CDH12: variants seen among roughly 807,000 people sequenced by gnomAD.
The protein encoded by CDH12 is cadherin 12, also known as cadherin-12.
CDH12 carries 41 observed loss-of-function variants against 74.1 expected under a neutral mutation model. The observed-to-expected ratio is 0.55, with a 90% CI of 0.43 to 0.72. CDH12 has a LOEUF of 0.72. Among genes scored for constraint, CDH12 ranks in the 30% least tolerant of loss-of-function variants. The pLI is 0.00. For missense variants in CDH12, 945 were observed against 977.2 expected (o/e 0.97, Z 0.44); for synonymous variants, 399 against 355.0 (o/e 1.12, Z -1.39).
At chr5:21,882,221 C>G (rs1174574009) in intron 6 of CDH12, among the ~76,000 whole-genome samples, 1 of 152,128 alleles carries the variant, frequency 6.6e-6, no homozygotes, top group Non-Finnish European at 1.5e-5. Context: ...TACTGGAAGT[C>G]ACATTTTATC....
chr5:21,938,723 C>CGTATATATATATAT, intron 6 of CDH12, among the ~76,000 whole-genome samples: 1 of 112,048 alleles, frequency 8.9e-6, no homozygotes, highest in East Asian at 2.3e-4. Flanking sequence ...ATATAATATA[C>CGTATATATATATAT]ATATATATAT....
chr5:22,375,697 C>T (rs769767809), intron 3 of CDH12, among the ~76,000 whole-genome samples: 20 of 151,768 alleles, frequency 1.3e-4, no homozygotes, highest in Admixed American at 3.9e-4. Context: ...AAAAATGGTT[C>T]GACATCATTA....
intron 4 of CDH12, among the ~76,000 whole-genome samples, chr5:22,199,444 C>T (rs1317231229): frequency 6.6e-6 from 1 of 152,174 alleles, no homozygotes; most frequent in Admixed American, 6.5e-5. Flanking sequence ...TATCACACAA[C>T]AAGCTTTAAC....
intron 1 of CDH12, among the ~76,000 whole-genome samples, chr5:22,624,867 T>C (rs1339493468): frequency 6.6e-6 from 1 of 152,214 alleles, no homozygotes; most frequent in Non-Finnish European, 1.5e-5. Context: ...ACACGTATGT[T>C]TATTGTGGCA....
chr5:22,446,508 T>C (rs2126552435), intron 2 of CDH12, among the ~76,000 whole-genome samples: 1 of 152,258 alleles, frequency 6.6e-6, no homozygotes, highest in South Asian at 2.1e-4. Context: ...GCTATCTTCA[T>C]AAAGCTCGGA....
At chr5:22,580,460 T>C in intron 1 of CDH12, 2 of 510,114 alleles carry the variant, frequency 3.9e-6, no homozygotes, top group South Asian at 2.9e-5. Context: ...ACCTGGCGAC[T>C]GCATGCGTGT....
intron 1 of CDH12, among the ~76,000 whole-genome samples, chr5:22,764,278 T>A (rs1194861242): frequency 1.3e-5 from 2 of 151,922 alleles, no homozygotes; most frequent in Non-Finnish European, 2.9e-5. Context: ...ATTTCTAATG[T>A]TTTAGTTATA....
intron 3 of CDH12, among the ~76,000 whole-genome samples, chr5:22,285,294 T>G (rs1737085621): frequency 6.6e-6 from 1 of 152,150 alleles, no homozygotes; most frequent in Admixed American, 6.6e-5. Context: ...GTAACAACTT[T>G]CTCCAAGACA....
At chr5:22,731,318 A>G (rs1313675713) in intron 1 of CDH12, among the ~76,000 whole-genome samples, 2 of 151,872 alleles carry the variant, frequency 1.3e-5, no homozygotes, top group Non-Finnish European at 2.9e-5. Flanking sequence ...TAAAAAAGGA[A>G]ATAAGCCCAA....
chr5:22,371,042 A>C (rs1205071366), intron 3 of CDH12, among the ~76,000 whole-genome samples: 20 of 152,174 alleles, frequency 1.3e-4, no homozygotes, highest in Non-Finnish European at 2.8e-4. Context: ...AGTCTGTAAT[A>C]TACTAATTGG....
intron 2 of CDH12, among the ~76,000 whole-genome samples, chr5:22,452,724 G>T (rs541524674): frequency 6.6e-6 from 1 of 151,562 alleles, no homozygotes; most frequent in South Asian, 2.1e-4. Flanking sequence ...AGGCAAATGG[G>T]ATTATATCAA....
At chr5:22,828,659 G>T (rs564460534) in intron 1 of CDH12, among the ~76,000 whole-genome samples, 1 of 152,234 alleles carries the variant, frequency 6.6e-6, no homozygotes, top group South Asian at 2.1e-4. Flanking sequence ...AGAGAAAGTT[G>T]TTTGGATTAT....
At chr5:21,895,017 G>GAA (rs36000039) in intron 6 of CDH12, among the ~76,000 whole-genome samples, 1,629 of 145,904 alleles carry the variant, frequency 0.011, 17 homozygotes, top group African/African-American at 0.02. Flanking sequence ...CAAATAAATT[G>GAA]AAAAAAAAAA....
chr5:22,802,429 A>G (rs1334634511), intron 1 of CDH12, among the ~76,000 whole-genome samples: 2 of 152,044 alleles, frequency 1.3e-5, no homozygotes, highest in African/African-American at 4.8e-5. Flanking sequence ...CCAGAATATT[A>G]AATTCTAATT....
In CDH12 at chr5:22,376,492, T is replaced by C. The variant is rs184536221; in HGVS notation, c.-333+28765A>G. On this transcript the variant is annotated intron_variant, in intron 3 of 14. Coordinates refer to ENST00000382254, the MANE Select transcript of CDH12 (RefSeq NM_004061.5). ...ACACAAAGAAATGACATATTCTCATTGTGATGATACATTACATACCCTGAC... is the reference window on the plus strand; with the variant it reads ...ACACAAAGAAATGACATATTCTCATCGTGATGATACATTACATACCCTGAC... Among the ~76,000 whole-genome samples the C allele has an allele frequency of 1.9e-3, 289 of 152,236 alleles. 3 individuals carry two copies. Among genetic ancestry groups the C allele is most frequent in the Non-Finnish European group, 2.5e-3 (170 of 68,008 alleles).
intron 5 of CDH12, among the ~76,000 whole-genome samples, chr5:22,064,141 T>C (rs1741395349): frequency 6.6e-6 from 1 of 152,094 alleles, no homozygotes; most frequent in Admixed American, 6.6e-5. Context: ...GTGATACATC[T>C]GCAACCAAAT....
At position 22,212,601 on chromosome 5, in the gene CDH12, C is replaced by G. The variant is rs1465811682; in HGVS notation, c.-290G>C. The stretch of plus-strand genomic sequence containing the variant: ...TCAATCAACACCCTCCAAGTAGCTG[C>G]ATCCTGTGCTCCTTTTCCCTGTTAT... On this transcript the variant is annotated 5_prime_UTR_variant, in exon 4 of 15. An upstream start codon of the reference 5' UTR is lost. Transcript: ENST00000382254. The G allele has an allele frequency of 2.0e-6, 2 of 985,470 alleles. No individual in the cohort carries two copies. Among genetic ancestry groups the G allele is most frequent in the Non-Finnish European group, 2.4e-6 (2 of 829,706 alleles). The allele number at this position is 985,470 out of a possible 1,614,324, so 61.0% of individuals were successfully genotyped here.
intron 6 of CDH12, among the ~76,000 whole-genome samples, chr5:21,960,162 C>A (rs148320147): frequency 4.2e-3 from 636 of 152,218 alleles, no homozygotes; most frequent in African/African-American, 0.015. Context: ...TATTCAGGAT[C>A]TGAACCCAAC....
At chr5:22,442,611 T>C (rs183744272) in intron 2 of CDH12, among the ~76,000 whole-genome samples, 1 of 152,324 alleles carries the variant, frequency 6.6e-6, no homozygotes, top group African/African-American at 2.4e-5. Context: ...GTGATCACCC[T>C]GTTTTTTATT....
Sources: gnomAD v4.1 joint callset for allele counts (sites outside exome capture counted in the v4.1 genomes callset) on GRCh38, gnomAD v4.1.1 for gene constraint, MANE v1.5 for transcripts, NCBI Gene and HGNC (gene_info 2026-07-23, HGNC 2026-07-21) for gene names.